Variants in DISC1 observed in about 807,000 individuals in gnomAD.
DISC1 encodes DISC1 scaffold protein, also known as disrupted in schizophrenia 1 protein.
A neutral mutation model predicts 84.5 loss-of-function variants in DISC1; 57 were observed. The ratio of observed to expected loss-of-function variants is 0.67; its 90% CI spans 0.55 to 0.84. The LOEUF is 0.84. Ranked by LOEUF, DISC1 falls within the 40% of genes least tolerant of loss-of-function variation. The pLI, the probability that DISC1 is intolerant of heterozygous loss-of-function variation, is 0.00. For missense variants in DISC1, 1,000 were observed against 1,057.8 expected (o/e 0.95, Z 0.76); for synonymous variants, 411 against 415.2 (o/e 0.99, Z 0.12).
In DISC1 at chr1:231,826,843, C is replaced by A. The variant is rs1418238043; in HGVS notation, c.1981+8326C>A. ...TATTAGATTGATACATTACTCAGTT[C>A]CTGGTAAAGAAGTAGTTAGAAGCCC... On this transcript the variant is annotated intron_variant, in intron 9 of 12. Transcript: ENST00000439617. The surrounding 1 kb of genome is among the most constrained non-coding windows in gnomAD (Gnocchi z 4.2). Among the ~76,000 whole-genome samples, 1 of 152,148 alleles carries A rather than the reference C, an allele frequency of 6.6e-6. No homozygotes were observed. Among genetic ancestry groups the A allele is most frequent in the Non-Finnish European group, 1.5e-5 (1 of 68,034 alleles).
Position 232,036,853 on chromosome 1 carries a change from G to T in DISC1, c.*22G>T. On this transcript the variant is annotated 3_prime_UTR_variant, in exon 13 of 13. Transcript: ENST00000439617. Reference sequence around the variant, plus strand: ...CTGAGGAGTGACGGGATGGGGGAGGGAGGTGGGCCACCATGTTTGGACCCG... The same window carrying T: ...CTGAGGAGTGACGGGATGGGGGAGGTAGGTGGGCCACCATGTTTGGACCCG... 6.6e-7 allele frequency: 1 copy of T among 1,523,606 alleles called. No homozygotes were observed. Among genetic ancestry groups the T allele is most frequent in the Non-Finnish European group, 8.9e-7 (1 of 1,121,542 alleles). 94.4% of individuals were successfully genotyped at this position (1,523,606 alleles called of 1,614,324 possible). A position where few individuals can be genotyped will look rare whatever the true frequency, so the allele number is the denominator to read the frequency against.
chr1:231,923,814 A>G (rs1355552841), intron 9 of DISC1, among the ~76,000 whole-genome samples: 1 of 152,184 alleles, frequency 6.6e-6, no homozygotes, highest in Non-Finnish European at 1.5e-5. Flanking sequence ...TGTATATGGC[A>G]TAGAATGGTG....
chr1:231,732,978 G>A (rs1023175311), intron 3 of DISC1, among the ~76,000 whole-genome samples: 12 of 151,990 alleles, frequency 7.9e-5, no homozygotes, highest in African/African-American at 2.9e-4. Flanking sequence ...AGTGGTGGTG[G>A]TGATGATAGG....
At chr1:231,819,632 T>C (rs1034116215) in intron 9 of DISC1, among the ~76,000 whole-genome samples, 2 of 152,164 alleles carry the variant, frequency 1.3e-5, no homozygotes, top group African/African-American at 4.8e-5. Flanking sequence ...AGACAGTACG[T>C]TTGAGGCTAA....
intron 9 of DISC1, chr1:231,940,881 G>C (rs1377835277): frequency 6.6e-6 from 1 of 152,254 alleles, no homozygotes; most frequent in Non-Finnish European, 1.5e-5. Flanking sequence ...CCAGCTTGCG[G>C]GTGCATCACA....
intron 3 of DISC1, among the ~76,000 whole-genome samples, chr1:231,719,702 G>A (rs907330377): frequency 6.6e-6 from 1 of 152,124 alleles, no homozygotes; most frequent in South Asian, 2.1e-4. Flanking sequence ...GCTAGAGATA[G>A]GCTTTTTAAT....
In DISC1 at chr1:231,870,781, C is replaced by T. The variant is rs2085401456; in HGVS notation, c.1981+52264C>T. Among the ~76,000 whole-genome samples, 3 of 152,152 alleles carry T rather than the reference C, an allele frequency of 2.0e-5. No individual in the cohort carries two copies. The South Asian group carries it at 6.2e-4, about 32-fold the overall frequency. On this transcript the variant is annotated intron_variant, in intron 9 of 12. Coordinates refer to ENST00000439617, the MANE Select transcript of DISC1 (RefSeq NM_018662.3). Reference sequence around the variant, plus strand: ...AGAGATTAGCCATTAGTTTTTCCTTCCAAAATTATTATGCTGTTGTCATTT... The same window carrying T: ...AGAGATTAGCCATTAGTTTTTCCTTTCAAAATTATTATGCTGTTGTCATTT...
chr1:231,805,557 C>CA (rs1418291674), intron 8 of DISC1, among the ~76,000 whole-genome samples: 1 of 152,090 alleles, frequency 6.6e-6, no homozygotes, highest in Non-Finnish European at 1.5e-5. Context: ...GCAACAGCAT[C>CA]ACCAAGAGGG....
intron 1 of DISC1, among the ~76,000 whole-genome samples, chr1:231,686,694 T>A (rs2064321306): frequency 6.6e-6 from 1 of 152,246 alleles, no homozygotes; most frequent in Non-Finnish European, 1.5e-5. Flanking sequence ...TTGTTGTTAC[T>A]TATGCAAATT....
At position 232,037,568 on chromosome 1, in the gene DISC1, A is replaced by G. The variant is rs1670598154; in HGVS notation, c.*737A>G. ...TGTGGATGGATCAGGGGACCTGTAT[A>G]AAATGTTTGAGCCTGTTCCATTTTC... On this transcript the variant is annotated 3_prime_UTR_variant, in exon 13 of 13. Transcript: ENST00000439617. 1 of 152,222 alleles carries G rather than the reference A, an allele frequency of 6.6e-6. No individual in the cohort carries two copies. Among genetic ancestry groups the G allele is most frequent in the Non-Finnish European group, 1.5e-5 (1 of 68,056 alleles). The allele number at this position is 152,222 out of a possible 1,614,324, so 9.4% of individuals were successfully genotyped here.
intron 9 of DISC1, chr1:231,866,777 G>T: frequency 1.7e-6 from 2 of 1,202,012 alleles, no homozygotes; most frequent in Non-Finnish European, 2.1e-6. Flanking sequence ...TGACGAAAGG[G>T]TATAATTAAT....
At chr1:232,013,321 G>C (rs1433363208) in intron 11 of DISC1, among the ~76,000 whole-genome samples, 5 of 152,152 alleles carry the variant, frequency 3.3e-5, no homozygotes, top group Admixed American at 3.3e-4. Context: ...GTCATTGCGT[G>C]CAGTATGTGA....
chr1:231,878,489 C>T (rs1415674386), intron 9 of DISC1, among the ~76,000 whole-genome samples: 1 of 152,124 alleles, frequency 6.6e-6, no homozygotes, highest in Non-Finnish European at 1.5e-5. Flanking sequence ...GTGAGGTCAG[C>T]AGAGATGGGG....
intron 1 of DISC1, among the ~76,000 whole-genome samples, chr1:231,666,646 C>G (rs945638300): frequency 6.6e-6 from 1 of 152,200 alleles, no homozygotes; most frequent in Non-Finnish European, 1.5e-5. Flanking sequence ...CTGCCCACCC[C>G]TCCCTACATA....
At chr1:231,641,728 C>T (rs181151057) in intron 1 of DISC1, among the ~76,000 whole-genome samples, 20 of 152,342 alleles carry the variant, frequency 1.3e-4, no homozygotes, top group Admixed American at 1.3e-3. Context: ...CACAAATGTT[C>T]GCCACCTCCC....
chr1:231,627,838 A>T (rs1260827591), intron 1 of DISC1, among the ~76,000 whole-genome samples: 2 of 152,286 alleles, frequency 1.3e-5, no homozygotes, highest in East Asian at 3.9e-4. Context: ...TGGGAAATCA[A>T]TTTGCAAAGT....
At chr1:231,641,538 A>G (rs943704192) in intron 1 of DISC1, among the ~76,000 whole-genome samples, 4 of 152,196 alleles carry the variant, frequency 2.6e-5, no homozygotes, top group African/African-American at 9.7e-5. Context: ...GTTTGTTGCA[A>G]ACAGCGAAAG....
intron 6 of DISC1, among the ~76,000 whole-genome samples, chr1:231,788,880 T>G (rs1478274208): frequency 1.3e-5 from 2 of 151,846 alleles, no homozygotes; most frequent in African/African-American, 4.8e-5. Flanking sequence ...GTGAGGATGC[T>G]TCCACCCCAC....
intron 9 of DISC1, among the ~76,000 whole-genome samples, chr1:231,844,092 C>T (rs1014835328): frequency 3.4e-4 from 52 of 152,210 alleles, no homozygotes; most frequent in Admixed American, 1.2e-3. Context: ...GAGGGAGGAC[C>T]GGCAGGAGTG....
Sources: gnomAD v4.1 joint callset for allele counts (sites outside exome capture counted in the v4.1 genomes callset) on GRCh38, gnomAD v4.1.1 for gene constraint, Gnocchi (gnomAD v3.1) non-coding constraint, MANE v1.5 for transcripts, NCBI Gene and HGNC (gene_info 2026-07-23, HGNC 2026-07-21) for gene names.